Variants in MAPRE2 observed in about 807,000 individuals in gnomAD.
MAPRE2 encodes microtubule-associated protein RP/EB family member 2.
Under a neutral mutation model 43.2 loss-of-function variants are expected in MAPRE2, and 13 were observed. The observed-to-expected ratio is 0.30, with a 90% CI of 0.20 to 0.48. The LOEUF is 0.48. Ranked by LOEUF, MAPRE2 falls within the 20% of genes least tolerant of loss-of-function variation. MAPRE2 has a pLI of 0.99. For synonymous variants in MAPRE2, 135 were observed against 148.8 expected, an observed-to-expected ratio of 0.91 and a Z score of 0.68; for missense variants, 161 against 400.2, an observed-to-expected ratio of 0.40 and a Z score of 5.10.
At chr18:35,086,706 A>C (rs1365177862) in intron 2 of MAPRE2, among the ~76,000 whole-genome samples, 1 of 152,086 alleles carries the variant, frequency 6.6e-6, no homozygotes, top group Non-Finnish European at 1.5e-5. Flanking sequence ...TGAAGTTCAG[A>C]TCAGAGTTTA....
At chr18:35,136,445 A>G (rs776354257) in intron 6 of MAPRE2, among the ~76,000 whole-genome samples, 1 of 152,234 alleles carries the variant, frequency 6.6e-6, no homozygotes, top group Non-Finnish European at 1.5e-5. Flanking sequence ...ACTAACTGGA[A>G]TATGTGTCAG....
chr18:35,071,971 A>C (rs1907137711), intron 2 of MAPRE2, among the ~76,000 whole-genome samples: 1 of 152,190 alleles, frequency 6.6e-6, no homozygotes, highest in Non-Finnish European at 1.5e-5. Flanking sequence ...CCTTCAATAC[A>C]AGATAGAGAA....
chr18:34,981,895 T>A (rs1445591265), intron 1 of MAPRE2, among the ~76,000 whole-genome samples: 5 of 148,992 alleles, frequency 3.4e-5, no homozygotes, highest in African/African-American at 9.9e-5. Flanking sequence ...TTATTTTTTT[T>A]TTTTTTTGAG....
chr18:35,029,853 C>T (rs753641878), intron 2 of MAPRE2, among the ~76,000 whole-genome samples: 2 of 152,144 alleles, frequency 1.3e-5, no homozygotes, highest in Admixed American at 6.5e-5. Context: ...CACGTTTTAA[C>T]GAGAGCACTC....
chr18:35,076,099 CATATGGATGAT>C (rs1907338637), intron 2 of MAPRE2, among the ~76,000 whole-genome samples: 1 of 152,178 alleles, frequency 6.6e-6, no homozygotes, highest in South Asian at 2.1e-4. Context: ...TTTTTTTACA[CATATGGATGAT>C]ATATCTTTGA....
intron 1 of MAPRE2, among the ~76,000 whole-genome samples, chr18:34,992,932 A>G (rs1181169621): frequency 1.3e-5 from 2 of 152,322 alleles, no homozygotes; most frequent in East Asian, 3.9e-4. Context: ...GCTGACAAAT[A>G]AAGAGTCCAT....
At chr18:35,041,293 T>G, upstream of MAPRE2, 10 of 1,384,088 alleles carry the variant, frequency 7.2e-6, no homozygotes, top group Middle Eastern at 2.7e-4. Flanking sequence ...GGCGAGGTGA[T>G]GAGTTAGCGG....
intron 1 of MAPRE2, among the ~76,000 whole-genome samples, chr18:34,994,492 A>G (rs1278369689): frequency 1.3e-5 from 2 of 152,106 alleles, no homozygotes; most frequent in Non-Finnish European, 2.9e-5. Context: ...AGGCAGCAAA[A>G]AAGGCCTTGG....
At chr18:35,103,178 A>G (rs574744089) in intron 4 of MAPRE2, among the ~76,000 whole-genome samples, 1 of 152,290 alleles carries the variant, frequency 6.6e-6, no homozygotes, top group Admixed American at 6.5e-5. Context: ...TTAAAAATAA[A>G]TATTTTTAAG....
At chr18:35,005,146 G>A (rs1910874650) in intron 1 of MAPRE2, among the ~76,000 whole-genome samples, 1 of 152,108 alleles carries the variant, frequency 6.6e-6, no homozygotes, top group Non-Finnish European at 1.5e-5. Context: ...GCTCCTTGGG[G>A]TTATCCGCCG....
At chr18:35,017,149 C>A (rs572778384) in intron 2 of MAPRE2, among the ~76,000 whole-genome samples, 1 of 151,538 alleles carries the variant, frequency 6.6e-6, no homozygotes, top group African/African-American at 2.4e-5. Flanking sequence ...GTTCTGTTAG[C>A]CTGTGTGTCT....
At chr18:35,118,828 G>A (rs1909536798) in intron 4 of MAPRE2, among the ~76,000 whole-genome samples, 3 of 152,272 alleles carry the variant, frequency 2.0e-5, no homozygotes, top group Admixed American at 1.3e-4. Context: ...CCTGGCTGCT[G>A]AGTGGAGAAG....
intron 4 of MAPRE2, among the ~76,000 whole-genome samples, chr18:35,111,566 T>G (rs1327422581): frequency 6.6e-6 from 1 of 152,232 alleles, no homozygotes; most frequent in African/African-American, 2.4e-5. Flanking sequence ...GGTTGATGCT[T>G]GTGAGTTAAC....
intron 1 of MAPRE2, among the ~76,000 whole-genome samples, chr18:34,987,862 C>T (rs1042708837): frequency 6.6e-5 from 10 of 152,042 alleles, no homozygotes; most frequent in Non-Finnish European, 1.3e-4. Context: ...AGGCTGGTCT[C>T]GAACTCCTGG....
At chr18:35,085,499 A>T (rs1907833656) in intron 2 of MAPRE2, among the ~76,000 whole-genome samples, 1 of 152,232 alleles carries the variant, frequency 6.6e-6, no homozygotes, top group Admixed American at 6.5e-5. Flanking sequence ...AGAGAAGTAC[A>T]TGGAAGATAG....
At chr18:35,106,017 C>T (rs1255595783) in intron 4 of MAPRE2, among the ~76,000 whole-genome samples, 1 of 152,118 alleles carries the variant, frequency 6.6e-6, no homozygotes, top group African/African-American at 2.4e-5. Flanking sequence ...GTGGGAGTCA[C>T]TCAAAGCCGT....
chr18:35,137,914 C>T (rs1169760054), intron 6 of MAPRE2, among the ~76,000 whole-genome samples: 1 of 152,164 alleles, frequency 6.6e-6, no homozygotes, highest in African/African-American at 2.4e-5. Context: ...GCTGGGAGTT[C>T]CCAGCCCACC....
intron 1 of MAPRE2, chr18:34,984,472 C>T (rs1027215365): frequency 6.3e-5 from 6 of 95,260 alleles, no homozygotes; most frequent in Admixed American, 1.2e-4. Context: ...TTATAATTAA[C>T]GTAAGTTTTG....
chr18:35,050,577 G>A (rs1905886740), intron 1 of MAPRE2, among the ~76,000 whole-genome samples: 1 of 152,122 alleles, frequency 6.6e-6, no homozygotes, highest in Non-Finnish European at 1.5e-5. Context: ...ATAATACTCT[G>A]TGAGGATTAT....
Sources: gnomAD v4.1 joint callset for allele counts (sites outside exome capture counted in the v4.1 genomes callset) on GRCh38, gnomAD v4.1.1 for gene constraint, MANE v1.5 for transcripts, NCBI Gene and HGNC (gene_info 2026-07-23, HGNC 2026-07-21) for gene names.